The following ESR1 variants were observed in gnomAD, a reference collection of about 807,000 sequenced individuals.
ESR1 encodes estrogen receptor 1.
ESR1 carries 12 observed loss-of-function variants against 52.7 expected under a neutral mutation model. The ratio of observed to expected loss-of-function variants is 0.23; its 90% CI spans 0.15 to 0.37. ESR1 has a LOEUF of 0.37. Among genes scored for constraint, ESR1 ranks in the 10% least tolerant of loss-of-function variants. The probability of loss-of-function intolerance (pLI) is 1.00; values close to 1 mark genes in which losing one functional copy is unlikely to be tolerated. For missense variants in ESR1, 584 were observed against 779.7 expected (o/e 0.75, Z 2.99); for synonymous variants, 305 against 316.8 (o/e 0.96, Z 0.39).
At chr6:151,803,365 A>G (rs1777451342), upstream of ESR1, among the ~76,000 whole-genome samples, 1 of 152,194 alleles carries the variant, frequency 6.6e-6, no homozygotes, top group Non-Finnish European at 1.5e-5. Context: ...CTATTACAAG[A>G]GGCATGCTTT....
chr6:151,825,662 A>C (rs1412588403), intron 1 of ESR1, among the ~76,000 whole-genome samples: 1 of 152,140 alleles, frequency 6.6e-6, no homozygotes, highest in Admixed American at 6.5e-5. Flanking sequence ...CTGTAATCCC[A>C]GCACTTTGGG....
At chr6:151,882,760 T>TG (rs1440703729) in intron 3 of ESR1, among the ~76,000 whole-genome samples, 3 of 149,644 alleles carry the variant, frequency 2.0e-5, no homozygotes, top group Non-Finnish European at 4.4e-5. Context: ...AAACCGATTC[T>TG]GTTTTTTTTT....
intron 3 of ESR1, among the ~76,000 whole-genome samples, chr6:151,928,927 T>C (rs2033176505): frequency 6.6e-6 from 1 of 152,186 alleles, no homozygotes. Flanking sequence ...GCCTACTTTG[T>C]ACACTTTCTG....
chr6:151,960,854 T>C (rs781271588), intron 4 of ESR1, among the ~76,000 whole-genome samples: 45 of 152,066 alleles, frequency 3.0e-4, no homozygotes, highest in African/African-American at 1.1e-3. Context: ...AATGGAGACA[T>C]GGTGAGGAGT....
intron 3 of ESR1, among the ~76,000 whole-genome samples, chr6:151,912,519 G>A (rs979541996): frequency 6.6e-6 from 1 of 152,090 alleles, no homozygotes; most frequent in Non-Finnish European, 1.5e-5. Flanking sequence ...TAGCCTCAAG[G>A]TTTCTAATCC....
In ESR1 at chr6:152,101,335, T is replaced by C. The variant is rs911164362; in HGVS notation, c.*2369T>C. On this transcript the variant is annotated 3_prime_UTR_variant, in exon 8 of 8. Transcript: ENST00000206249. ...AGCTAATGGGTCAGTGGGTTCTTTTTAATGTTTATACTTAGATTTTCTTTT... is the reference window on the plus strand; with the variant it reads ...AGCTAATGGGTCAGTGGGTTCTTTTCAATGTTTATACTTAGATTTTCTTTT... The C allele has an allele frequency of 4.3e-6, 1 of 232,674 alleles. No individual in the cohort carries two copies. The allele number at this position is 232,674 out of a possible 1,614,324, so 14.4% of individuals were successfully genotyped here. A position where few individuals can be genotyped will look rare whatever the true frequency, so the allele number is the denominator to read the frequency against.
intron 1 of ESR1, among the ~76,000 whole-genome samples, chr6:151,808,723 G>A (rs1372076049): frequency 5.3e-5 from 8 of 152,204 alleles, no homozygotes; most frequent in Non-Finnish European, 1.0e-4. Context: ...TAAACACGGG[G>A]CGCTTTGAGT....
chr6:151,752,253 A>T (rs1783955111), intron 2 of ESR1, among the ~76,000 whole-genome samples: 3 of 152,184 alleles, frequency 2.0e-5, no homozygotes, highest in Admixed American at 2.0e-4. Flanking sequence ...GTAGCCTTTT[A>T]AAAAAATAGC....
At chr6:151,892,638 CTGGAA>C (rs1044199579) in intron 3 of ESR1, among the ~76,000 whole-genome samples, 1 of 140,964 alleles carries the variant, frequency 7.1e-6, no homozygotes, top group Non-Finnish European at 1.5e-5. Flanking sequence ...ATGACTAAGA[CTGGAA>C]TCCCAAGAGC....
chr6:152,114,928 G>A (rs936506923), intron 6 of ESR1, among the ~76,000 whole-genome samples: 2 of 136,688 alleles, frequency 1.5e-5, no homozygotes, highest in Non-Finnish European at 3.1e-5. Flanking sequence ...CAAGTCAAAT[G>A]TTTCCTCATA....
At position 151,976,147 on chromosome 6, in the gene ESR1, G is replaced by T. The variant is rs183227404; in HGVS notation, c.1096+31639G>T. On this transcript the variant is annotated intron_variant, in intron 4 of 7. Coordinates refer to ENST00000206249, the MANE Select transcript of ESR1 (RefSeq NM_000125.4). ...CATCTCTTTTGTTTAAGATTTTGTT[G>T]TTTTTTTTTAATGCTCAATAAAAGA... is the stretch of plus-strand genomic sequence containing the variant. Among the ~76,000 whole-genome samples, 338 of 150,396 alleles carry T rather than the reference G, an allele frequency of 2.2e-3. 7 individuals are homozygous for T. In the East Asian group the frequency reaches 0.035, roughly 16 times the overall value.
chr6:151,735,869 A>T (rs1019934621), intron 2 of ESR1, among the ~76,000 whole-genome samples: 2 of 152,240 alleles, frequency 1.3e-5, no homozygotes, highest in East Asian at 3.9e-4. Flanking sequence ...CAATTCCCCC[A>T]TGCTGTTGTC....
At chr6:151,662,306 A>C (rs1214527413) in intron 1 of ESR1, among the ~76,000 whole-genome samples, 2 of 152,304 alleles carry the variant, frequency 1.3e-5, no homozygotes, top group African/African-American at 4.8e-5. Flanking sequence ...GTTTATGTGC[A>C]ACAATATAGG....
At chr6:151,782,781 T>A (rs1031236630) in intron 2 of ESR1, among the ~76,000 whole-genome samples, 2 of 152,206 alleles carry the variant, frequency 1.3e-5, no homozygotes, top group Admixed American at 6.5e-5. Context: ...GCTGGCCAAA[T>A]GTGGAAAAAT....
chr6:151,988,525 G>A (rs2128705044), intron 4 of ESR1, among the ~76,000 whole-genome samples: 1 of 152,166 alleles, frequency 6.6e-6, no homozygotes, highest in Admixed American at 6.5e-5. Flanking sequence ...TAAAGAATAT[G>A]TTTGTGGATT....
chr6:151,826,750 A>G (rs1462797316), intron 1 of ESR1, among the ~76,000 whole-genome samples: 2 of 152,182 alleles, frequency 1.3e-5, no homozygotes, highest in Admixed American at 6.5e-5. Context: ...TTCAACACAT[A>G]TTCATTGACC....
chr6:152,073,033 T>C (rs2048470413), intron 6 of ESR1, among the ~76,000 whole-genome samples: 1 of 152,242 alleles, frequency 6.6e-6, no homozygotes, highest in East Asian at 1.9e-4. Context: ...TTGTACTTGC[T>C]TATGTAGCTC....
rs879309139 is a variant in ESR1, at chr6:152,061,424, G to A, written c.1369+300G>A. Among the ~76,000 whole-genome samples, 8 of 152,190 alleles carry A rather than the reference G, an allele frequency of 5.3e-5. No homozygotes were observed. The highest frequency in any genetic ancestry group is 1.4e-4 in the African/African-American group (6 of 41,442). On this transcript the variant is annotated intron_variant, in intron 6 of 7. Coordinates refer to ENST00000206249, the MANE Select transcript of ESR1 (RefSeq NM_000125.4). This position sits in a 1 kb window ranked among gnomAD's most constrained non-coding sequence, Gnocchi z 4.3. Reference sequence around the variant, plus strand: ...AAATGGTACATGTATATAGACATATGTTAGTTGATAGTTATATTATGTCTG... The same window carrying A: ...AAATGGTACATGTATATAGACATATATTAGTTGATAGTTATATTATGTCTG...
chr6:151,864,976 A>G (rs1034264992), intron 2 of ESR1, among the ~76,000 whole-genome samples: 2 of 150,942 alleles, frequency 1.3e-5, no homozygotes, highest in Non-Finnish European at 3.0e-5. Flanking sequence ...ATTAGGAGAT[A>G]TAACTAATGT....
Sources: gnomAD v4.1 joint callset for allele counts (sites outside exome capture counted in the v4.1 genomes callset) on GRCh38, gnomAD v4.1.1 for gene constraint, Gnocchi (gnomAD v3.1) non-coding constraint, MANE v1.5 for transcripts, NCBI Gene and HGNC (gene_info 2026-07-23, HGNC 2026-07-21) for gene names.